The following TRHDE variants were observed in gnomAD, a reference collection of about 807,000 sequenced individuals.
TRHDE encodes thyrotropin releasing hormone degrading enzyme, also known as thyrotropin-releasing hormone-degrading ectoenzyme.
In TRHDE, 72 loss-of-function variants were observed where a neutral mutation model predicts 125.7. The ratio of observed to expected loss-of-function variants is 0.57; its 90% confidence interval spans 0.47 to 0.70. The LOEUF (loss-of-function observed/expected upper bound fraction) is 0.70. Ranked by LOEUF, TRHDE falls within the 30% of genes least tolerant of loss-of-function variation. The pLI is 0.00. For missense variants in TRHDE, 1,110 were observed against 1,327.1 expected (o/e 0.84, Z 2.54); for synonymous variants, 509 against 509.1 (o/e 1.00, Z 0.00).
chr12:72,157,283 A>G (rs1370342538), intron 2 of TRHDE, among the ~76,000 whole-genome samples: 2 of 152,266 alleles, frequency 1.3e-5, no homozygotes, highest in Non-Finnish European at 2.9e-5. Context: ...CTTGAAGGGC[A>G]TGGTGAGGGT....
intron 2 of TRHDE, among the ~76,000 whole-genome samples, chr12:72,290,274 A>T (rs551368415): frequency 6.6e-6 from 1 of 152,362 alleles, no homozygotes; most frequent in East Asian, 1.9e-4. Flanking sequence ...TCTATGGAAT[A>T]TAGTGTAGCA....
At chr12:72,637,780 G>A (rs1408958893) in intron 15 of TRHDE, among the ~76,000 whole-genome samples, 3 of 152,146 alleles carry the variant, frequency 2.0e-5, no homozygotes, top group East Asian at 3.9e-4. Context: ...TCATTCAGGA[G>A]CAGGTTGTTC....
chr12:72,311,656 A>G (rs1349564578), intron 2 of TRHDE, among the ~76,000 whole-genome samples: 1 of 152,228 alleles, frequency 6.6e-6, no homozygotes, highest in Non-Finnish European at 1.5e-5. Context: ...GATGAGAATG[A>G]TAATAATGAC....
At chr12:72,391,505 T>G (rs993640657) in intron 3 of TRHDE, among the ~76,000 whole-genome samples, 4 of 152,214 alleles carry the variant, frequency 2.6e-5, no homozygotes, top group Admixed American at 2.6e-4. Flanking sequence ...TTTATTTTTT[T>G]TCCTTATGGG....
chr12:72,203,324 C>T (rs1185840050), intron 2 of TRHDE, among the ~76,000 whole-genome samples: 5 of 152,090 alleles, frequency 3.3e-5, no homozygotes, highest in Admixed American at 2.6e-4. Context: ...AAAAATTAGC[C>T]GCGCGTGGTG....
At chr12:72,456,244 T>G (rs1161876600) in intron 3 of TRHDE, among the ~76,000 whole-genome samples, 1 of 151,194 alleles carries the variant, frequency 6.6e-6, no homozygotes, top group Non-Finnish European at 1.5e-5. Context: ...TTTTGGGGCA[T>G]TCCCTGGTCA....
At chr12:72,131,522 T>C (rs1207289709) in intron 2 of TRHDE, among the ~76,000 whole-genome samples, 2 of 152,252 alleles carry the variant, frequency 1.3e-5, no homozygotes, top group Non-Finnish European at 2.9e-5. Flanking sequence ...GGGAACTTTG[T>C]GTTTTCCCTT....
intron 17 of TRHDE, among the ~76,000 whole-genome samples, chr12:72,654,071 G>A (rs1874614070): frequency 6.6e-6 from 1 of 152,012 alleles, no homozygotes; most frequent in Non-Finnish European, 1.5e-5. Flanking sequence ...TATAATAGTT[G>A]GACGATTAAA....
chr12:72,427,088 GTGGACCATACAGTCTC>G (rs1874221145), intron 3 of TRHDE, among the ~76,000 whole-genome samples: 1 of 152,094 alleles, frequency 6.6e-6, no homozygotes, highest in Non-Finnish European at 1.5e-5. Flanking sequence ...TTGAGGCTTT[GTGGACCATACAGTCTC>G]TGTGGCAACT....
chr12:72,383,767 G>A (rs1328517721), intron 3 of TRHDE, among the ~76,000 whole-genome samples: 1 of 147,542 alleles, frequency 6.8e-6, no homozygotes, highest in African/African-American at 2.5e-5. Flanking sequence ...GGCACTCAGT[G>A]ACTAAGTAAT....
At chr12:72,582,229 T>G (rs773136241) in intron 12 of TRHDE, 6 of 980,786 alleles carry the variant, frequency 6.1e-6, no homozygotes, top group Non-Finnish European at 7.3e-6. Context: ...TCTAACAGCT[T>G]ATACATTTGA....
intron 2 of TRHDE, among the ~76,000 whole-genome samples, chr12:72,265,889 T>C (rs1879056817): frequency 6.6e-6 from 1 of 151,824 alleles, no homozygotes; most frequent in African/African-American, 2.4e-5. Flanking sequence ...CTTTTAAAAT[T>C]TACATACAGC....
At chr12:72,193,121 T>C (rs1241609829) in intron 2 of TRHDE, among the ~76,000 whole-genome samples, 1 of 152,086 alleles carries the variant, frequency 6.6e-6, no homozygotes, top group Non-Finnish European at 1.5e-5. Context: ...CTAGTATCAG[T>C]ATACAAAATT....
chr12:72,470,036 G>T, intron 4 of TRHDE, 124 bp downstream of exon 4: 3 of 915,824 alleles, frequency 3.3e-6, no homozygotes, highest in Non-Finnish European at 1.6e-6. Flanking sequence ...GGAGCACTGT[G>T]TAGTTCTTTC....
chr12:72,527,800 GA>G (rs1370241143), intron 6 of TRHDE, among the ~76,000 whole-genome samples: 1 of 151,918 alleles, frequency 6.6e-6, no homozygotes, highest in Non-Finnish European at 1.5e-5. Context: ...TATTAGAAAA[GA>G]AAAACTAGAA....
chr12:72,588,340 C>A (rs1871528265), intron 12 of TRHDE, among the ~76,000 whole-genome samples: 1 of 152,058 alleles, frequency 6.6e-6, no homozygotes, highest in South Asian at 2.1e-4. Flanking sequence ...ATAAGGGAAC[C>A]ATCTGAGTAG....
chr12:72,094,626 G>C (rs909954262), intron 1 of TRHDE, among the ~76,000 whole-genome samples: 2 of 152,246 alleles, frequency 1.3e-5, no homozygotes, highest in Non-Finnish European at 2.9e-5. Context: ...GACCACTTCA[G>C]GGTCCTAGCT....
chr12:72,534,657 A>C (rs1868756865), intron 6 of TRHDE, among the ~76,000 whole-genome samples: 1 of 152,102 alleles, frequency 6.6e-6, no homozygotes, highest in South Asian at 2.1e-4. Context: ...CACTGTACCA[A>C]GTACTTTATA....
At chr12:72,481,711 A>G (rs1171715546) in intron 5 of TRHDE, among the ~76,000 whole-genome samples, 1 of 151,946 alleles carries the variant, frequency 6.6e-6, no homozygotes, top group African/African-American at 2.4e-5. Flanking sequence ...CTGTGGATAT[A>G]CCATTCACAA....
Sources: allele counts gnomAD v4.1 joint callset (sites outside exome capture counted in the v4.1 genomes callset), GRCh38; gene constraint gnomAD v4.1.1; transcripts MANE v1.5; gene names NCBI Gene and HGNC (gene_info 2026-07-23, HGNC 2026-07-21).